SULF2: variants seen among roughly 807,000 people sequenced by gnomAD.
SULF2 encodes the protein extracellular sulfatase Sulf-2.
SULF2 carries 52 observed loss-of-function variants against 107.7 expected under a neutral mutation model. That is an observed-to-expected ratio of 0.48 (90% CI 0.39 to 0.61). The LOEUF (loss-of-function observed/expected upper bound fraction) is 0.61. Ranked by LOEUF, SULF2 falls within the 20% of genes least tolerant of loss-of-function variation. SULF2 has a pLI of 0.00. For synonymous variants in SULF2, 460 were observed against 464.3 expected (o/e 0.99, Z 0.12); for missense variants, 993 against 1,177.3 (o/e 0.84, Z 2.29).
intron 10 of SULF2, among the ~76,000 whole-genome samples, chr20:47,675,615 A>G (rs983451286): frequency 7.2e-5 from 11 of 152,014 alleles, no homozygotes; most frequent in Admixed American, 5.2e-4. Context: ...GCTTTTTCTC[A>G]TAGGTGAAAC....
chr20:47,785,095 C>A (rs1261608388), intron 1 of SULF2, among the ~76,000 whole-genome samples: 1 of 152,018 alleles, frequency 6.6e-6, no homozygotes, highest in Non-Finnish European at 1.5e-5. Flanking sequence ...TCCTCGCCCG[C>A]CCGCCAGCCA....
At chr20:47,719,186 T>G (rs2089215330) in intron 3 of SULF2, among the ~76,000 whole-genome samples, 1 of 152,226 alleles carries the variant, frequency 6.6e-6, no homozygotes, top group South Asian at 2.1e-4. Context: ...ACCTATCCAT[T>G]GTCCATTAAA....
chr20:47,687,846 T>C (rs2088063818), intron 5 of SULF2, among the ~76,000 whole-genome samples: 1 of 152,132 alleles, frequency 6.6e-6, no homozygotes, highest in South Asian at 2.1e-4. Context: ...TAACTGGGAC[T>C]ACAGGTGTGC....
chr20:47,694,726 C>T lies in SULF2; in HGVS notation c.568-4431G>A, dbSNP rs6063137. Among the ~76,000 whole-genome samples the T allele has an allele frequency of 4.5e-4, 69 of 152,306 alleles. No homozygotes were observed. Among genetic ancestry groups the T allele is most frequent in the Middle Eastern group, 6.8e-3 (2 of 294 alleles). ...TGCCAGCCTCAGCCCTAGGCAAAAGCGTGTTTCCCTCGAGTGGGCACTCCG... is the reference window on the plus strand; with the variant it reads ...TGCCAGCCTCAGCCCTAGGCAAAAGTGTGTTTCCCTCGAGTGGGCACTCCG... On this transcript the variant is annotated intron_variant, in intron 4 of 20. Transcript: ENST00000688720. This position sits in a 1 kb window ranked among gnomAD's most constrained non-coding sequence, Gnocchi z 4.4.
At chr20:47,722,813 C>G (rs958377607) in intron 3 of SULF2, among the ~76,000 whole-genome samples, 1 of 151,904 alleles carries the variant, frequency 6.6e-6, no homozygotes, top group African/African-American at 2.4e-5. Context: ...TGCCTGTAAT[C>G]CCAGCACTTT....
intron 1 of SULF2, among the ~76,000 whole-genome samples, chr20:47,761,602 G>A (rs879427131): frequency 1.1e-4 from 17 of 152,228 alleles, no homozygotes; most frequent in African/African-American, 2.9e-4. Flanking sequence ...CAGGCTTCGC[G>A]TGCCCTCGCG....
At chr20:47,747,392 C>T (rs1168859316) in intron 2 of SULF2, among the ~76,000 whole-genome samples, 1 of 152,130 alleles carries the variant, frequency 6.6e-6, no homozygotes, top group East Asian at 1.9e-4. Flanking sequence ...TTGCTTTCTG[C>T]TGCCTCTGGT....
intron 3 of SULF2, among the ~76,000 whole-genome samples, chr20:47,712,085 A>G (rs889426171): frequency 6.6e-6 from 1 of 152,220 alleles, no homozygotes; most frequent in African/African-American, 2.4e-5. Flanking sequence ...TAAAATCCCA[A>G]AAAAGACAGA....
chr20:47,700,109 C>T (rs1284533436), intron 4 of SULF2, among the ~76,000 whole-genome samples: 2 of 152,150 alleles, frequency 1.3e-5, no homozygotes, highest in Non-Finnish European at 2.9e-5. Context: ...TCAGATGGGG[C>T]AGGAAGATTT....
At chr20:47,770,053 GTTTTTTTTTT>G (rs56786760) in intron 1 of SULF2, among the ~76,000 whole-genome samples, 2 of 63,084 alleles carry the variant, frequency 3.2e-5, no homozygotes, top group African/African-American at 7.2e-5. Context: ...ATCTGGTGTA[GTTTTTTTTTT>G]TTTTTTTTTT....
At chr20:47,745,402 AAAAAAAAAATAT>A (rs2089998079) in intron 2 of SULF2, among the ~76,000 whole-genome samples, 3 of 26,852 alleles carry the variant, frequency 1.1e-4, no homozygotes, top group Admixed American at 6.0e-4. Flanking sequence ...AAAAAAAAAA[AAAAAAAAAATAT>A]ATATATATAT....
chr20:47,687,848 C>T (rs1360630880), intron 5 of SULF2, among the ~76,000 whole-genome samples: 2 of 152,050 alleles, frequency 1.3e-5, no homozygotes, highest in African/African-American at 2.4e-5. Context: ...ACTGGGACTA[C>T]AGGTGTGCAC....
At chr20:47,723,733 C>T (rs1031685678) in intron 3 of SULF2, among the ~76,000 whole-genome samples, 11 of 152,230 alleles carry the variant, frequency 7.2e-5, no homozygotes, top group African/African-American at 2.4e-4. Flanking sequence ...CTCCCATTGC[C>T]CCCGGGTGAG....
chr20:47,775,636 A>ATCAT (rs1033480878), intron 1 of SULF2, among the ~76,000 whole-genome samples: 32 of 152,214 alleles, frequency 2.1e-4, no homozygotes, highest in Non-Finnish European at 4.1e-4. Context: ...GGAGGAGAAC[A>ATCAT]TCATTCATTC....
chr20:47,708,143 C>T (rs377327560), intron 3 of SULF2, among the ~76,000 whole-genome samples: 7 of 152,132 alleles, frequency 4.6e-5, no homozygotes, highest in African/African-American at 9.7e-5. Flanking sequence ...CTTCTGCCCT[C>T]GTGCAGTTGA....
chr20:47,729,531 T>C (rs1455336605), intron 3 of SULF2, among the ~76,000 whole-genome samples: 1 of 152,034 alleles, frequency 6.6e-6, no homozygotes, highest in African/African-American at 2.4e-5. Context: ...TGGGCATATT[T>C]TGAAGGCAGA....
intron 4 of SULF2, among the ~76,000 whole-genome samples, chr20:47,700,678 C>T (rs990793401): frequency 2.1e-5 from 3 of 146,138 alleles, no homozygotes; most frequent in Non-Finnish European, 4.5e-5. Context: ...TGGAGTCTCG[C>T]TCTGTCTCCC....
At chr20:47,712,043 C>T (rs910123401) in intron 3 of SULF2, among the ~76,000 whole-genome samples, 8 of 152,198 alleles carry the variant, frequency 5.3e-5, no homozygotes, top group Admixed American at 3.9e-4. Context: ...CACACATACA[C>T]GAATACACAA....
At chr20:47,697,863 T>A (rs6090715) in intron 4 of SULF2, among the ~76,000 whole-genome samples, 79,008 of 152,084 alleles carry the variant, frequency 0.52, 21,114 homozygotes, top group Admixed American at 0.62. Context: ...TGGTGAAGAA[T>A]TTTAAAAAGG....
Sources: allele counts gnomAD v4.1 joint callset (sites outside exome capture counted in the v4.1 genomes callset), GRCh38; gene constraint gnomAD v4.1.1; non-coding constraint Gnocchi (gnomAD v3.1); transcripts MANE v1.5; gene names NCBI Gene and HGNC (gene_info 2026-07-23, HGNC 2026-07-21).